LILRB5: variants seen among roughly 807,000 people sequenced by gnomAD.
LILRB5 encodes leukocyte immunoglobulin like receptor B5, also known as leukocyte immunoglobulin-like receptor subfamily B member 5.
Under a neutral mutation model 68.4 loss-of-function variants are expected in LILRB5, and 61 were observed. The observed-to-expected ratio is 0.89, with a 90% CI of 0.73 to 1.10. The LOEUF (loss-of-function observed/expected upper bound fraction) is 1.10. LILRB5 is among the 50% of genes least tolerant of loss of function. The pLI is 0.00. For missense variants in LILRB5, 771 were observed against 751.6 expected, an observed-to-expected ratio of 1.03 and a Z score of -0.30; for synonymous variants, 356 against 315.8, an observed-to-expected ratio of 1.13 and a Z score of -1.35.
Position 54,252,360 on chromosome 19 carries a change from A to C in LILRB5, c.1576+6T>G. The C allele has an allele frequency of 6.2e-7, 1 of 1,613,580 alleles. No homozygotes were observed. The highest frequency in any genetic ancestry group is 8.5e-7 in the Non-Finnish European group (1 of 1,179,834). ...CCCCAGGTGCCCTCCGCTTCTAGTC[A>C]CTCACTGAGAATTTCCTCCTGGATG... On this transcript the variant is annotated splice_donor_region_variant and intron_variant, in intron 11 of 12. Coordinates refer to ENST00000449561, the MANE Select transcript of LILRB5 (RefSeq NM_001081442.3).
intron 5 of LILRB5, 33 bp downstream of exon 5, chr19:54,255,253 T>G (rs1271918143): frequency 3.1e-5 from 49 of 1,604,294 alleles, no homozygotes; most frequent in Non-Finnish European, 4.2e-5. Flanking sequence ...GTGCAGAGCC[T>G]GGGTCCCTGA....
rs1569042176 is a variant in LILRB5 at position 54,250,780 on chromosome 19, CG to C, written c.*5del. 2.5e-6 allele frequency: 4 copies of C among 1,613,780 alleles called. No individual in the cohort carries two copies. In the African/African-American group the frequency reaches 5.3e-5, roughly 22 times the overall value. Reference sequence around the variant, plus strand: ...TGTTGAGTATGAGATCTGGGTCCCCCGTGGGCTAGTGGATGGCCAGGGGGGC... The same window carrying C: ...TGTTGAGTATGAGATCTGGGTCCCCCTGGGCTAGTGGATGGCCAGGGGGGC... On this transcript the variant is annotated 3_prime_UTR_variant, in exon 13 of 13. Transcript: ENST00000449561.
intron 7 of LILRB5, 36 bp from the exon 8 acceptor site, chr19:54,254,104 C>T (rs1462299644): frequency 6.3e-7 from 1 of 1,579,312 alleles, no homozygotes; most frequent in Non-Finnish European, 8.6e-7. Flanking sequence ...CTGGGGCTGC[C>T]CTGCTCCCCA....
rs143092695 is a variant in LILRB5, at chr19:54,254,028, A to T, written c.1347T>A (p.Asp449Glu). 58 of 1,596,178 alleles carry T rather than the reference A, an allele frequency of 3.6e-5. No homozygotes were observed. In the Middle Eastern group the frequency reaches 5.0e-4, roughly 14 times the overall value. ...GAGCCCCTCACTCACCACTCTGGGG[A>T]TCCAACCCCGTGGGGGTGAGGGGCT... ...EDQPLTPTGL[D>E]PQSGLGRHLG... The change falls in exon 8 of 13, where the codon GAT (aspartate) becomes GAA (glutamate). Residue 449 changes from aspartate (D) to glutamate (E), a missense_variant. By Grantham distance (45) the Asp-to-Glu change is conservative. Transcript: ENST00000449561.
chr19:54,257,020 G>A, intron 1 of LILRB5, 24 bp from the exon 2 acceptor site: 5 of 1,614,202 alleles, frequency 3.1e-6, no homozygotes, highest in Non-Finnish European at 4.2e-6. Flanking sequence ...CCCTGTGAGG[G>A]ATTTGCCCCT....
At position 54,255,024 on chromosome 19, in the gene LILRB5, G is replaced by C. The variant is rs780605298; in HGVS notation, c.966C>G (p.Asp322Glu). The C allele has an allele frequency of 1.1e-5, 18 of 1,608,038 alleles. No homozygotes were observed. Among genetic ancestry groups the C allele is most frequent in the Non-Finnish European group, 1.5e-5 (18 of 1,176,416 alleles). ...CCGGCTGCACCGAGAGGGCGGGTAT[G>C]TCAGGGATCAGTCCTGGAGAGAAGA... Reference protein sequence around the residue: ...LDILIAGLIPDIPALSVQPGP... With the variant: ...LDILIAGLIPEIPALSVQPGP... Residue 322 changes from aspartate (D) to glutamate (E), a missense_variant, in exon 6 of 13, where the codon GAC (aspartate) becomes GAG (glutamate). Coordinates refer to ENST00000449561, the MANE Select transcript of LILRB5 (RefSeq NM_001081442.3).
intron 8 of LILRB5, chr19:54,253,756 G>C: frequency 6.2e-6 from 8 of 1,294,030 alleles, no homozygotes; most frequent in Non-Finnish European, 8.7e-6. Context: ...GAGCTGCAGG[G>C]AAAGAGCCTG....
At chr19:54,253,603 A>G in intron 8 of LILRB5, 1 of 489,274 alleles carries the variant, frequency 2.0e-6, no homozygotes, top group South Asian at 2.2e-5. Context: ...GCTGGATGGG[A>G]CTGAGCCAGT....
At chr19:54,253,175 G>C in intron 8 of LILRB5, 188 bp from the exon 9 acceptor site, 1 of 288,586 alleles carries the variant, frequency 3.5e-6, no homozygotes, top group Non-Finnish European at 7.1e-6. Context: ...CCTGCCCCAG[G>C]CTCCTCAGCC....
chr19:54,252,297 C>A (rs182599532), intron 11 of LILRB5, 69 bp downstream of exon 11: 6 of 1,536,682 alleles, frequency 3.9e-6, no homozygotes, highest in Non-Finnish European at 4.5e-6. Flanking sequence ...TGTGCTCCTG[C>A]CCCCATTGCT....
At position 54,250,836 on chromosome 19, in the gene LILRB5, T is replaced by C. The variant is rs143624656; in HGVS notation, c.1726A>G (p.Arg576Gly). The C allele has an allele frequency of 3.0e-4, 477 of 1,613,918 alleles. No individual in the cohort carries two copies. The highest frequency in any genetic ancestry group is 1.3e-3 in the African/African-American group (96 of 74,886). Residue 576 changes from arginine (R) to glycine (G), a missense_variant, in exon 13 of 13, where the codon AGG (arginine) becomes GGG (glycine). By Grantham distance (125) the Arg-to-Gly change is moderately radical. Transcript: ENST00000449561. ...EATEPPPSQE[R>G]EPPAEPSIYA... Reference sequence around the variant, plus strand: ...ATGCTGGGTTCAGCTGGAGGTTCCCTTTCCTGGGATGGAGGAGGCTCAGTT... The same window carrying C: ...ATGCTGGGTTCAGCTGGAGGTTCCCCTTCCTGGGATGGAGGAGGCTCAGTT...
chr19:54,253,065 T>G, intron 8 of LILRB5, 78 bp from the exon 9 acceptor site: 1 of 873,932 alleles, frequency 1.1e-6, no homozygotes, highest in Non-Finnish European at 1.6e-6. Flanking sequence ...GAGCTAGGTC[T>G]TTCCTTCATG....
rs936040850 is a variant in LILRB5, at chr19:54,254,572, C to T, written c.1256-157G>A. 7.4e-6 allele frequency: 9 copies of T among 1,213,968 alleles called. No individual in the cohort carries two copies. The East Asian group carries it at 1.5e-4, about 21-fold the overall frequency. 75.2% of individuals were successfully genotyped at this position (1,213,968 alleles called of 1,614,324 possible). A position where few individuals can be genotyped will look rare whatever the true frequency, so the allele number is the denominator to read the frequency against. ...GCCAAGTGTGGGCATGCCTGGGGAG[C>T]CCCCGTTGTCCTCCTCCCCTCTGAG... On this transcript the variant is annotated intron_variant, in intron 6 of 12. Coordinates refer to ENST00000449561, the MANE Select transcript of LILRB5 (RefSeq NM_001081442.3).
chr19:54,256,432 GCCGAC>G (rs2079145520), intron 3 of LILRB5, 52 bp downstream of exon 3: 2 of 1,601,404 alleles, frequency 1.2e-6, no homozygotes, highest in Admixed American at 3.4e-5. Flanking sequence ...GTCCCTAAGA[GCCGAC>G]CCTCTTCCTG....
intron 4 of LILRB5, 61 bp from the exon 5 acceptor site, chr19:54,255,643 C>CCGTCCTGG: frequency 1.3e-6 from 2 of 1,531,680 alleles, no homozygotes; most frequent in Non-Finnish European, 1.8e-6. Context: ...CTTCCTTCTC[C>CCGTCCTGG]CGTCCTGGCG....
At position 54,256,695 on chromosome 19, in the gene LILRB5, T is replaced by A; in HGVS notation, c.149A>T (p.Gln50Leu). The A allele has an allele frequency of 6.2e-7, 1 of 1,614,120 alleles. No individual in the cohort carries two copies. Among genetic ancestry groups the A allele is most frequent in the South Asian group, 1.1e-5 (1 of 91,086 alleles). Residue 50 changes from glutamine (Q) to leucine (L), a missense_variant, in exon 3 of 13, where the codon CAG becomes CTG. Gln to Leu is a moderately radical substitution (Grantham distance 113). Coordinates refer to ENST00000449561, the MANE Select transcript of LILRB5 (RefSeq NM_001081442.3). ...GTACTCCTCAGTCTCCAGGGGCCCC[T>A]GACACCAGAGGGTCACGGGCTTCCC... ...ARGKPVTLWC[Q>L]GPLETEEYRL... is the part of the protein sequence containing the mutation.
Position 54,255,340 on chromosome 19 carries a change from T to C in LILRB5, c.898A>G (p.Asn300Asp). The change falls in exon 5 of 13, where the codon AAC becomes GAC. Residue 300 changes from asparagine to aspartate, a missense_variant. Transcript: ENST00000449561. Reference protein sequence around the residue: ...GGQYRCYGAHNLSPRWSAPSD... With the variant: ...GGQYRCYGAHDLSPRWSAPSD... ...GGGGCCGACCACCTAGGGGAGAGGT[T>C]GTGTGCACCGTAGCATCTGTACTGG... 1 of 1,613,966 alleles carries C rather than the reference T, an allele frequency of 6.2e-7. No homozygotes were observed. The highest frequency in any genetic ancestry group is 8.5e-7 in the Non-Finnish European group (1 of 1,179,958).
In LILRB5 at chr19:54,254,892, A is replaced by G; in HGVS notation, c.1098T>C (p.Cys366=). 1 of 1,614,050 alleles carries G rather than the reference A, an allele frequency of 6.2e-7. No homozygotes were observed. The highest frequency in any genetic ancestry group is 1.1e-5 in the South Asian group (1 of 91,090). The change falls in exon 6 of 13, where the codon TGT becomes TGC. Residue 366 remains cysteine, a synonymous_variant. Transcript: ENST00000449561. ...TKEGAAHPPL[C]LKSKYQSYRH... Reference sequence around the variant, plus strand: ...TATAAGACTGGTACTTTGACTTTAGACACAGCGGGGGATGGGCTGCCCCCT... The same window carrying G: ...TATAAGACTGGTACTTTGACTTTAGGCACAGCGGGGGATGGGCTGCCCCCT...
intron 7 of LILRB5, 76 bp downstream of exon 7, chr19:54,254,289 A>G: frequency 6.6e-7 from 1 of 1,506,902 alleles, no homozygotes; most frequent in Non-Finnish European, 9.0e-7. Context: ...TGAGGGGAAT[A>G]GGATCCTCGG....
Sources: allele counts gnomAD v4.1 joint callset, GRCh38; gene constraint gnomAD v4.1.1; transcripts MANE v1.5; gene names NCBI Gene and HGNC (gene_info 2026-07-23, HGNC 2026-07-21).